The following SLC25A48 variants were observed in gnomAD, a reference collection of about 807,000 sequenced individuals.
SLC25A48 encodes the protein CTC-321K16.1.
Under a neutral mutation model 32.2 loss-of-function variants are expected in SLC25A48, and 29 were observed. The ratio of observed to expected loss-of-function variants is 0.90; its 90% CI spans 0.67 to 1.23. The LOEUF is 1.23. Ranked by LOEUF, SLC25A48 falls within the 50% of genes most tolerant of loss-of-function variation. SLC25A48 has a pLI of 0.00. For missense variants in SLC25A48, 399 were observed against 422.7 expected (o/e 0.94, Z 0.49); for synonymous variants, 164 against 172.3 (o/e 0.95, Z 0.38).
chr5:135,815,952 G>A (rs1757706538), intron 4 of SLC25A48, among the ~76,000 whole-genome samples: 2 of 152,202 alleles, frequency 1.3e-5, no homozygotes, highest in African/African-American at 4.8e-5. Flanking sequence ...TACTACCTGA[G>A]ACTGGGTAAT....
At chr5:135,839,931 G>T (rs1758848966) in intron 1 of SLC25A48, among the ~76,000 whole-genome samples, 1 of 152,168 alleles carries the variant, frequency 6.6e-6, no homozygotes, top group Admixed American at 6.5e-5. Flanking sequence ...CCATGATTGT[G>T]TGGCCTCCCC....
At chr5:135,739,208 C>T (rs1755446324) in intron 3 of SLC25A48, among the ~76,000 whole-genome samples, 1 of 152,154 alleles carries the variant, frequency 6.6e-6, no homozygotes, top group South Asian at 2.1e-4. Flanking sequence ...GCCTTGACTT[C>T]CCAGGCTCAA....
chr5:135,722,814 C>G (rs1268553627), intron 3 of SLC25A48, among the ~76,000 whole-genome samples: 3 of 152,260 alleles, frequency 2.0e-5, no homozygotes, highest in Non-Finnish European at 2.9e-5. Flanking sequence ...GCCTTGTCCT[C>G]CTTGTCCCTG....
chr5:135,674,178 T>C (rs1753717647), intron 3 of SLC25A48, among the ~76,000 whole-genome samples: 1 of 152,052 alleles, frequency 6.6e-6, no homozygotes, highest in Non-Finnish European at 1.5e-5. Context: ...ACTTACAAGG[T>C]ACATGTGATA....
intron 3 of SLC25A48, among the ~76,000 whole-genome samples, chr5:135,775,260 G>T (rs111822643): frequency 0.048 from 7,314 of 151,342 alleles, 643 homozygotes; most frequent in African/African-American, 0.17. Flanking sequence ...TCCCAATATC[G>T]CAGGGAGTGT....
chr5:135,655,110 G>A (rs1753211619), intron 3 of SLC25A48, among the ~76,000 whole-genome samples: 1 of 152,172 alleles, frequency 6.6e-6, no homozygotes, highest in Non-Finnish European at 1.5e-5. Flanking sequence ...GTTGTTGGGA[G>A]ACAAAGCGGG....
At chr5:135,788,515 C>CA (rs1756917122) in intron 3 of SLC25A48, among the ~76,000 whole-genome samples, 1 of 151,050 alleles carries the variant, frequency 6.6e-6, no homozygotes, top group Admixed American at 6.6e-5. Context: ...TGTACACCTC[C>CA]CGCCATATGG....
intron 3 of SLC25A48, among the ~76,000 whole-genome samples, chr5:135,666,591 A>C (rs1439369522): frequency 6.6e-6 from 1 of 152,068 alleles, no homozygotes; most frequent in Non-Finnish European, 1.5e-5. Flanking sequence ...TCACTCTGGG[A>C]CATGAAGGCC....
chr5:135,659,928 C>T, intron 3 of SLC25A48, among the ~76,000 whole-genome samples: 1 of 152,220 alleles, frequency 6.6e-6, no homozygotes, highest in African/African-American at 2.4e-5. Context: ...CACCAGGTGT[C>T]CCACCCACCT....
chr5:135,644,617 G>C (rs994636708), intron 3 of SLC25A48, among the ~76,000 whole-genome samples: 1 of 152,114 alleles, frequency 6.6e-6, no homozygotes, highest in Non-Finnish European at 1.5e-5. Flanking sequence ...ACTGAAGCTC[G>C]GAGAGGTTAA....
intron 1 of SLC25A48, among the ~76,000 whole-genome samples, chr5:135,837,110 T>G (rs1758602152): frequency 6.6e-6 from 1 of 151,976 alleles, no homozygotes; most frequent in East Asian, 1.9e-4. Flanking sequence ...GGCTAATAAG[T>G]GGCAGGGAGA....
At chr5:135,665,918 C>T (rs969548241) in intron 3 of SLC25A48, among the ~76,000 whole-genome samples, 3 of 152,274 alleles carry the variant, frequency 2.0e-5, no homozygotes, top group Non-Finnish European at 1.5e-5. Flanking sequence ...CATAGCTCTG[C>T]TCTGTAGAAT....
At chr5:135,826,841 C>CT (rs1758070900) in intron 4 of SLC25A48, 1 of 152,262 alleles carries the variant, frequency 6.6e-6, no homozygotes, top group South Asian at 2.1e-4. Context: ...TCACTACATT[C>CT]TTCCTCAGTG....
intron 3 of SLC25A48, among the ~76,000 whole-genome samples, chr5:135,719,492 GC>G (rs1408160438): frequency 6.6e-6 from 1 of 152,138 alleles, no homozygotes; most frequent in Non-Finnish European, 1.5e-5. Context: ...GGGAAGGGAT[GC>G]AGAGAGGTAG....
chr5:135,772,952 G>A (rs937915281), intron 3 of SLC25A48, among the ~76,000 whole-genome samples: 3 of 150,872 alleles, frequency 2.0e-5, no homozygotes, highest in Non-Finnish European at 3.0e-5. Flanking sequence ...CAATATTGCA[G>A]AAGGTGTACA....
intron 3 of SLC25A48, among the ~76,000 whole-genome samples, chr5:135,662,067 T>A (rs1050995083): frequency 1.3e-5 from 2 of 152,130 alleles, no homozygotes; most frequent in African/African-American, 4.8e-5. Context: ...TGCATACAAA[T>A]CCCTTCCACA....
chr5:135,694,486 T>G (rs1249253740), intron 3 of SLC25A48, among the ~76,000 whole-genome samples: 2 of 152,240 alleles, frequency 1.3e-5, no homozygotes, highest in East Asian at 3.8e-4. Flanking sequence ...AATGTTAAAA[T>G]AAGAACTCTG....
In SLC25A48 at chr5:135,719,195, G is replaced by A. The variant is rs148936681; in HGVS notation, c.-521+84239G>A. Among the ~76,000 whole-genome samples the A allele has an allele frequency of 2.0e-3, 297 of 152,262 alleles. 2 individuals carry two copies. The highest frequency in any genetic ancestry group is 6.5e-3 in the African/African-American group (272 of 41,548). On this transcript the variant is annotated intron_variant, in intron 3 of 10. Transcript: ENST00000646290. ...ATGGGCTAACTCTAAAAATAGAAAT[G>A]TAAACACAGTAAGTTGAAGAGCCTG...
chr5:135,823,965 GA>G, intron 4 of SLC25A48, among the ~76,000 whole-genome samples: 1 of 152,184 alleles, frequency 6.6e-6, no homozygotes, highest in Admixed American at 6.5e-5. Flanking sequence ...CAGACTAGTT[GA>G]AAAAGTGTCA....
Sources: gnomAD v4.1 joint callset for allele counts (sites outside exome capture counted in the v4.1 genomes callset) on GRCh38, gnomAD v4.1.1 for gene constraint, MANE v1.5 for transcripts, NCBI Gene and HGNC (gene_info 2026-07-23, HGNC 2026-07-21) for gene names.